NR1H4: variants seen among roughly 807,000 people sequenced by gnomAD.
NR1H4 encodes bile acid receptor.
In NR1H4, 23 loss-of-function variants were observed where a neutral mutation model predicts 58.5. That is an observed-to-expected ratio of 0.39 (90% CI 0.28 to 0.56). The LOEUF is 0.56. NR1H4 is among the 20% of genes least tolerant of loss of function. NR1H4 has a pLI of 0.58. For missense variants in NR1H4, 487 were observed against 576.9 expected (o/e 0.84, Z 1.60); for synonymous variants, 214 against 198.0 (o/e 1.08, Z -0.68).
intron 4 of NR1H4, among the ~76,000 whole-genome samples, chr12:100,522,138 A>AATGGTG (rs532799809): frequency 4.0e-5 from 6 of 151,118 alleles, no homozygotes; most frequent in Non-Finnish European, 5.9e-5. Context: ...TGATGATGAT[A>AATGGTG]ATGGTGATGG....
rs1451506095 is a variant in NR1H4, at chr12:100,506,728, GA to G, written c.80-4048del. On this transcript the variant is annotated intron_variant, in intron 3 of 10. Transcript: ENST00000392986. ...TCACCATGTTGGTCAGGCTGGTCTT[GA>G]ACTCCTTACCTCAGGTGATCCACTC... Among the ~76,000 whole-genome samples, 129 of 152,252 alleles carry G rather than the reference GA, an allele frequency of 8.5e-4. 1 individual carries two copies. The East Asian group carries it at 0.022, about 26-fold the overall frequency.
intron 3 of NR1H4, among the ~76,000 whole-genome samples, chr12:100,501,444 G>A (rs1162378201): frequency 2.0e-5 from 3 of 152,154 alleles, no homozygotes; most frequent in Non-Finnish European, 4.4e-5. Context: ...ATTAGGGCAA[G>A]TGTACCTTAG....
chr12:100,502,802 A>G (rs1953864872), intron 3 of NR1H4, among the ~76,000 whole-genome samples: 1 of 152,198 alleles, frequency 6.6e-6, no homozygotes, highest in Non-Finnish European at 1.5e-5. Context: ...CATGTCTTAC[A>G]TGGTGGTAGG....
At chr12:100,523,046 C>CT (rs1047374262) in intron 4 of NR1H4, among the ~76,000 whole-genome samples, 3 of 152,004 alleles carry the variant, frequency 2.0e-5, no homozygotes, top group South Asian at 2.1e-4. Context: ...TATCTAATTA[C>CT]TTTTTTTCCT....
chr12:100,532,553 G>A lies in NR1H4; in HGVS notation c.541G>A (p.Glu181Lys). Residue 181 changes from glutamate (E) to lysine (K), a missense_variant, in exon 5 of 11, where the codon GAG (glutamate) becomes AAG (lysine). Transcript: ENST00000392986. The part of the protein sequence containing the change: ...MDMYMRRKCQ[E>K]CRLRKCKEMG... ...TATGTACATGCGAAGAAAGTGTCAA[G>A]AGTGTCGACTAAGGAAATGCAAAGA... 1 of 1,614,196 alleles carries A rather than the reference G, an allele frequency of 6.2e-7. No individual in the cohort carries two copies. Among genetic ancestry groups the A allele is most frequent in the Non-Finnish European group, 8.5e-7 (1 of 1,180,016 alleles).
In NR1H4 at chr12:100,516,459, C is replaced by T. The variant is rs1250108354; in HGVS notation, c.445+5316C>T. ...ATCTCAGCTCACAAACTCCGCCTCC[C>T]GGGTTCACGCCATTCTCCTGCCTCA... On this transcript the variant is annotated intron_variant, in intron 4 of 10. Coordinates refer to ENST00000392986, the MANE Select transcript of NR1H4 (RefSeq NM_001206979.2). Among the ~76,000 whole-genome samples the T allele has an allele frequency of 3.3e-5, 5 of 152,106 alleles. No homozygotes were observed. The East Asian group carries it at 7.7e-4, about 24-fold the overall frequency.
At chr12:100,537,555 G>A (rs150783677) in intron 8 of NR1H4, among the ~76,000 whole-genome samples, 1 of 152,338 alleles carries the variant, frequency 6.6e-6, no homozygotes, top group Non-Finnish European at 1.5e-5. Context: ...ACGAAGTGCT[G>A]TTTGAACACA....
chr12:100,518,239 G>A (rs1445610393), intron 4 of NR1H4, among the ~76,000 whole-genome samples: 2 of 152,260 alleles, frequency 1.3e-5, no homozygotes, highest in Non-Finnish European at 2.9e-5. Flanking sequence ...GACAACCCTG[G>A]AAAACACTTA....
At chr12:100,534,659 T>C (rs1954773179) in intron 5 of NR1H4, among the ~76,000 whole-genome samples, 1 of 152,212 alleles carries the variant, frequency 6.6e-6, no homozygotes, top group Non-Finnish European at 1.5e-5. Flanking sequence ...GAGGTAGATA[T>C]TATTCCCATT....
intron 3 of NR1H4, among the ~76,000 whole-genome samples, chr12:100,500,213 T>C (rs958132621): frequency 1.3e-5 from 2 of 152,196 alleles, no homozygotes; most frequent in Non-Finnish European, 2.9e-5. Context: ...TGGGAAGGTC[T>C]TTCAATAAGA....
At chr12:100,496,164 A>C (rs1259458755) in intron 3 of NR1H4, among the ~76,000 whole-genome samples, 2 of 152,230 alleles carry the variant, frequency 1.3e-5, no homozygotes, top group African/African-American at 4.8e-5. Flanking sequence ...AAAGCAGAGA[A>C]TAGGACAGGC....
intron 1 of NR1H4, among the ~76,000 whole-genome samples, chr12:100,491,769 C>G (rs1490525271): frequency 6.6e-6 from 1 of 152,002 alleles, no homozygotes; most frequent in Non-Finnish European, 1.5e-5. Flanking sequence ...TGTCTCTTCT[C>G]AGAAGACTCT....
intron 5 of NR1H4, 144 bp from the exon 6 acceptor site, chr12:100,534,746 T>G: frequency 1.1e-6 from 1 of 910,942 alleles, no homozygotes; most frequent in Non-Finnish European, 1.7e-6. Flanking sequence ...GGCCTTCCCT[T>G]TCTAAAATGC....
At chr12:100,475,132 T>TCTATCTAC (rs10629375) in intron 1 of NR1H4, among the ~76,000 whole-genome samples, 6,312 of 147,412 alleles carry the variant, frequency 0.043, 414 homozygotes, top group African/African-American at 0.15. Context: ...TACCTATCTA[T>TCTATCTAC]CTATCTATCT....
At chr12:100,562,189 A>G (rs989253182) in intron 10 of NR1H4, among the ~76,000 whole-genome samples, 191 bp downstream of exon 10, 2 of 152,218 alleles carry the variant, frequency 1.3e-5, no homozygotes, top group Admixed American at 1.3e-4. Context: ...AAAATATCAC[A>G]CTTATTCATT....
intron 1 of NR1H4, among the ~76,000 whole-genome samples, chr12:100,490,043 G>A (rs898945765): frequency 2.0e-5 from 3 of 152,142 alleles, no homozygotes; most frequent in African/African-American, 7.2e-5. Context: ...GATAAATTAT[G>A]TCCTAAGCTT....
At chr12:100,491,242 A>G (rs1308533832) in intron 1 of NR1H4, among the ~76,000 whole-genome samples, 1 of 151,802 alleles carries the variant, frequency 6.6e-6, no homozygotes, top group East Asian at 1.9e-4. Flanking sequence ...CTTCCACTCC[A>G]TTTTGTGTCC....
chr12:100,517,921 A>C (rs1954308221), intron 4 of NR1H4, among the ~76,000 whole-genome samples: 1 of 152,226 alleles, frequency 6.6e-6, no homozygotes. Flanking sequence ...CCACTAGGCT[A>C]TGATGCCTTT....
At chr12:100,552,406 G>C (rs1213580494) in intron 9 of NR1H4, among the ~76,000 whole-genome samples, 1 of 152,082 alleles carries the variant, frequency 6.6e-6, no homozygotes, top group Non-Finnish European at 1.5e-5. Context: ...GACTCCCTGG[G>C]GAAAGTTTAG....
Sources: gnomAD v4.1 joint callset for allele counts (sites outside exome capture counted in the v4.1 genomes callset) on GRCh38, gnomAD v4.1.1 for gene constraint, MANE v1.5 for transcripts, NCBI Gene and HGNC (gene_info 2026-07-23, HGNC 2026-07-21) for gene names.